Variants in PXYLP1 observed in about 807,000 individuals in gnomAD.
PXYLP1 encodes the protein 2-phosphoxylose phosphatase 1.
Under a neutral mutation model 37.9 loss-of-function variants are expected in PXYLP1, and 17 were observed. The observed-to-expected ratio is 0.45, with a 90% confidence interval of 0.31 to 0.67. The LOEUF (loss-of-function observed/expected upper bound fraction) is 0.67, where lower values mean the gene tolerates loss of function less well. Ranked by LOEUF, PXYLP1 falls within the 30% of genes least tolerant of loss-of-function variation. The probability of loss-of-function intolerance (pLI) is 0.07; values close to 1 mark genes in which losing one functional copy is unlikely to be tolerated. For synonymous variants in PXYLP1, 221 were observed against 232.2 expected, an observed-to-expected ratio of 0.95 and a Z score of 0.44; for missense variants, 511 against 612.0, an observed-to-expected ratio of 0.84 and a Z score of 1.74.
In PXYLP1 at chr3:141,292,461, G is replaced by T; in HGVS notation, c.699G>T (p.Arg233Ser). Residue 233 changes from arginine (R) to serine (S), a missense_variant, in exon 6 of 6, where the codon AGG becomes AGT. By Grantham distance (110) the Arg-to-Ser change is moderately radical (BLOSUM62 -1). Transcript: ENST00000286353. This position sits in a 1 kb window ranked among gnomAD's most constrained non-coding sequence, Gnocchi z 4.3. ...TTGACTGGAAGAAGATTTATTTCAG[G>T]CACCAGCCAAGTGCGCTGTTCTGCT... ...PDFDWKKIYF[R>S]HQPSALFCSG... 6.2e-7 allele frequency: 1 copy of T among 1,614,206 alleles called. No individual in the cohort carries two copies. The highest frequency in any genetic ancestry group is 1.3e-5 in the African/African-American group (1 of 75,048).
chr3:141,274,320 A>G, intron 2 of PXYLP1: 1 of 1,383,092 alleles, frequency 7.2e-7, no homozygotes, highest in Admixed American at 3.0e-5. Flanking sequence ...CGGCCTGCAC[A>G]TCGACCCTGG....
chr3:141,274,199 C>G (rs138064298), intron 2 of PXYLP1: 4 of 1,057,388 alleles, frequency 3.8e-6, no homozygotes, highest in Non-Finnish European at 1.1e-6. Context: ...TCTAGGTGAT[C>G]GGGGCAAGCC....
intron 2 of PXYLP1, among the ~76,000 whole-genome samples, chr3:141,268,196 A>T (rs62281964): frequency 1.1e-4 from 6 of 55,808 alleles, no homozygotes; most frequent in African/African-American, 2.2e-4. Flanking sequence ...AGAGAGAGAG[A>T]GAGAGAGAGA....
At chr3:141,274,487 C>A in intron 2 of PXYLP1, 2 of 1,520,536 alleles carry the variant, frequency 1.3e-6, no homozygotes, top group African/African-American at 1.4e-5. Context: ...TCAGGCCCAG[C>A]TAGGTGTCTC....
At chr3:141,260,699 C>T (rs2148754633) in intron 2 of PXYLP1, among the ~76,000 whole-genome samples, 1 of 152,350 alleles carries the variant, frequency 6.6e-6, no homozygotes, top group Middle Eastern at 3.4e-3. Flanking sequence ...GCAGCAGGGG[C>T]TGCATGGGAA....
intron 1 of PXYLP1, among the ~76,000 whole-genome samples, chr3:141,247,619 CAACA>C (rs979361852): frequency 6.6e-6 from 1 of 152,198 alleles, no homozygotes; most frequent in African/African-American, 2.4e-5. Context: ...TCACATTCTA[CAACA>C]AACATTCCCA....
In PXYLP1 at chr3:141,293,173, T is replaced by G; in HGVS notation, c.1411T>G (p.Tyr471Asp). The change falls in exon 6 of 6, where the codon TAT becomes GAT. Residue 471 changes from tyrosine to aspartate, a missense_variant. Transcript: ENST00000286353. ...FVALGGSGTN[Y>D]YDACHREGF is the part of the protein sequence containing the mutation. The stretch of plus-strand genomic sequence containing the variant: ...AGCCCTGGGTGGCAGTGGTACAAAT[T>G]ATTATGATGCATGTCACAGGGAAGG... 1 of 1,613,900 alleles carries G rather than the reference T, an allele frequency of 6.2e-7. No homozygotes were observed. Among genetic ancestry groups the G allele is most frequent in the Non-Finnish European group, 8.5e-7 (1 of 1,179,990 alleles).
chr3:141,285,524 C>A (rs73869566), intron 4 of PXYLP1, among the ~76,000 whole-genome samples: 3,793 of 149,954 alleles, frequency 0.025, 93 homozygotes, highest in East Asian at 0.11. Context: ...ACAACAACAA[C>A]AAAAAAAAAC....
At chr3:141,241,446 G>T (rs527496061) in intron 1 of PXYLP1, among the ~76,000 whole-genome samples, 2 of 152,238 alleles carry the variant, frequency 1.3e-5, no homozygotes, top group East Asian at 1.9e-4. Context: ...AGTGGGAGGG[G>T]TAGGCTCTGA....
chr3:141,250,744 A>G (rs1027842193), intron 1 of PXYLP1, among the ~76,000 whole-genome samples: 2 of 152,236 alleles, frequency 1.3e-5, no homozygotes, highest in Non-Finnish European at 1.5e-5. Context: ...GTAAGAGGAC[A>G]GACATGGAAA....
intron 2 of PXYLP1, chr3:141,267,386 T>G (rs1218996845): frequency 6.6e-6 from 1 of 152,178 alleles, no homozygotes; most frequent in Non-Finnish European, 1.5e-5. Context: ...TTTGTTCAGC[T>G]GGAGACAAAA....
rs1491198088 is a variant in PXYLP1 at position 141,248,594 on chromosome 3, C to CGTGT, written c.-53-11528_-53-11525dup. Among the ~76,000 whole-genome samples the CGTGT allele has an allele frequency of 1.2e-4, 9 of 76,968 alleles. 1 individual carries two copies. The highest frequency in any genetic ancestry group is 1.9e-4 in the Non-Finnish European group (9 of 47,662). The allele number at this position is 76,968 out of a possible 152,430, so 50.5% of individuals were successfully genotyped here. ...ATACACACATGTATATATACACACA[C>CGTGT]GTGTATATATACACACGTATATATA... is the stretch of plus-strand genomic sequence containing the variant. On this transcript the variant is annotated intron_variant, in intron 1 of 5. Transcript: ENST00000286353.
chr3:141,252,304 T>G (rs1475349143), intron 1 of PXYLP1, among the ~76,000 whole-genome samples: 2 of 152,166 alleles, frequency 1.3e-5, no homozygotes, highest in Non-Finnish European at 2.9e-5. Context: ...CCATTTTGTG[T>G]TGTAAAGGAA....
At chr3:141,284,716 A>C (rs1291579398) in intron 4 of PXYLP1, among the ~76,000 whole-genome samples, 1 of 152,098 alleles carries the variant, frequency 6.6e-6, no homozygotes. Flanking sequence ...AATAGTTGTT[A>C]TTTGTATTAT....
At chr3:141,238,254 C>T (rs1940706522) in intron 1 of PXYLP1, among the ~76,000 whole-genome samples, 1 of 152,168 alleles carries the variant, frequency 6.6e-6, no homozygotes, top group South Asian at 2.1e-4. Context: ...CATGGGTTTC[C>T]TAACTGGTGC....
At chr3:141,249,413 T>C (rs1941090120) in intron 1 of PXYLP1, among the ~76,000 whole-genome samples, 1 of 150,838 alleles carries the variant, frequency 6.6e-6, no homozygotes, top group African/African-American at 2.4e-5. Flanking sequence ...TGATAACCTG[T>C]CCTTTCAGGT....
chr3:141,293,235 A>G lies in PXYLP1; in HGVS notation c.*30A>G, dbSNP rs1449916581. Reference sequence around the variant, plus strand: ...TATGCAGTACAGCAGTATAGAATCCATGCCAATACAGAGCATAGGGAAAGG... The same window carrying G: ...TATGCAGTACAGCAGTATAGAATCCGTGCCAATACAGAGCATAGGGAAAGG... On this transcript the variant is annotated 3_prime_UTR_variant, in exon 6 of 6. Transcript: ENST00000286353. 4 of 1,578,826 alleles carry G rather than the reference A, an allele frequency of 2.5e-6. No individual in the cohort carries two copies. Among genetic ancestry groups the G allele is most frequent in the Admixed American group, 3.5e-5 (2 of 57,112 alleles).
chr3:141,287,403 C>T lies in PXYLP1; in HGVS notation c.455C>T (p.Pro152Leu), dbSNP rs779211971. ...ASFESPLNSLPLYPNHPLCEM... is the reference protein window; with the variant it reads ...ASFESPLNSLLLYPNHPLCEM... ...TTCGAAAGCCCCTTGAACTCCTTGC[C>T]TCTTTACCCAAATCACCCATTGTGT... Residue 152 changes from proline to leucine, a missense_variant, in exon 5 of 6, where the codon CCT becomes CTT. Transcript: ENST00000286353. The T allele has an allele frequency of 5.6e-6, 9 of 1,614,030 alleles. No individual in the cohort carries two copies. The highest frequency in any genetic ancestry group is 7.6e-6 in the Non-Finnish European group (9 of 1,180,034).
chr3:141,255,434 A>G (rs1448504003), intron 1 of PXYLP1, among the ~76,000 whole-genome samples: 2 of 152,268 alleles, frequency 1.3e-5, no homozygotes, highest in Non-Finnish European at 2.9e-5. Flanking sequence ...TTGAGCCAAG[A>G]GCATCTTTTC....
Sources: allele counts gnomAD v4.1 joint callset (sites outside exome capture counted in the v4.1 genomes callset), GRCh38; gene constraint gnomAD v4.1.1; non-coding constraint Gnocchi (gnomAD v3.1); transcripts MANE v1.5; gene names NCBI Gene and HGNC (gene_info 2026-07-23, HGNC 2026-07-21).